MYH1: variants seen among roughly 807,000 people sequenced by gnomAD.
MYH1 encodes myosin heavy chain 1.
Under a neutral mutation model 225.6 loss-of-function variants are expected in MYH1, and 214 were observed. The ratio of observed to expected loss-of-function variants is 0.95; its 90% CI spans 0.85 to 1.06. The LOEUF is 1.06. Ranked by LOEUF, MYH1 falls within the 50% of genes least tolerant of loss-of-function variation. The probability of loss-of-function intolerance (pLI) is 0.00; values close to 1 mark genes in which losing one functional copy is unlikely to be tolerated. For missense variants in MYH1, 2,098 were observed against 2,344.2 expected (o/e 0.89, Z 2.17); for synonymous variants, 774 against 842.3 (o/e 0.92, Z 1.40).
Position 10,501,928 on chromosome 17 carries a change from C to T in MYH1, c.3112-17G>A, listed in dbSNP as rs974795598. ...TCCTTCAAGCTAAAAGTTAATAATCCATGAATATGGTTCTTAGAATGGTAG... is the reference window on the plus strand; with the variant it reads ...TCCTTCAAGCTAAAAGTTAATAATCTATGAATATGGTTCTTAGAATGGTAG... On this transcript the variant is annotated splice_polypyrimidine_tract_variant and intron_variant, in intron 24 of 39. Coordinates refer to ENST00000226207, the MANE Select transcript of MYH1 (RefSeq NM_005963.4). 6.3e-7 allele frequency: 1 copy of T among 1,595,076 alleles called. No individual in the cohort carries two copies. The highest frequency in any genetic ancestry group is 8.5e-7 in the Non-Finnish European group (1 of 1,173,900).
chr17:10,508,005 G>GTTTTTTTTTTTTTTTTTTTTTTTTTTT, intron 16 of MYH1, 49 bp from the exon 17 acceptor site: 1 of 1,100,606 alleles, frequency 9.1e-7, no homozygotes, highest in Non-Finnish European at 1.3e-6. Context: ...TCTGGTTATG[G>GTTTTTTTTTTTTTTTTTTTTTTTTTTT]TTTTTTTTTT....
rs1474786235 is a variant in MYH1, at chr17:10,496,244, G to C, written c.4962C>G (p.Leu1654=). The C allele has an allele frequency of 3.7e-6, 6 of 1,614,016 alleles. No individual in the cohort carries two copies. Among genetic ancestry groups the C allele is most frequent in the Non-Finnish European group, 5.1e-6 (6 of 1,180,040 alleles). Residue 1654 remains leucine (L), a synonymous_variant, in exon 34 of 40, where the codon CTC becomes CTG. Coordinates refer to ENST00000226207, the MANE Select transcript of MYH1 (RefSeq NM_005963.4). The part of the protein sequence containing the change: ...LRNYRNTQAI[L]KDTQLHLDDA... The stretch of plus-strand genomic sequence containing the variant: ...ATCATCTGTTGGACATATTTACCTT[G>C]AGGATGGCTTGGGTGTTCCTATAGT...
chr17:10,493,529 T>G (rs958518790), intron 39 of MYH1, among the ~76,000 whole-genome samples: 6 of 152,176 alleles, frequency 3.9e-5, no homozygotes, highest in Non-Finnish European at 7.3e-5. Context: ...TAAAGTGGAG[T>G]GTTAAGAATC....
In MYH1 at chr17:10,494,432, C is replaced by T. The variant is rs200123954; in HGVS notation, c.5589G>A (p.Lys1863=). 64 of 1,614,100 alleles carry T rather than the reference C, an allele frequency of 4.0e-5. No individual in the cohort carries two copies. In the African/African-American group the frequency reaches 7.1e-4, roughly 18 times the overall value. The part of the protein sequence containing the change: ...ELTYQTEEDR[K]NILRLQDLVD... The stretch of plus-strand genomic sequence containing the variant: ...CCAGGTCCTGGAGCCTGAGAATATT[C>T]TTGCGGTCTTCCTCAGTCTGAAATA... The change falls in exon 39 of 40, where the codon AAG becomes AAA. Residue 1863 remains lysine, a synonymous_variant. Transcript: ENST00000226207.
Position 10,512,868 on chromosome 17 carries a change from A to G in MYH1, c.903T>C (p.Ile301=). 2 of 1,609,392 alleles carry G rather than the reference A, an allele frequency of 1.2e-6. No homozygotes were observed. Among genetic ancestry groups the G allele is most frequent in the East Asian group, 2.2e-5 (1 of 44,830 alleles). The part of the protein sequence containing the change: ...QIMSNKKPDL[I]EMLLITTNPY... ...TCTAGCTATGAATTTATTTCTTACC[A>G]ATTAGATCTGGCTTCTTGTTAGACA... Residue 301 remains isoleucine (I), a splice_region_variant and synonymous_variant, in exon 10 of 40, where the codon ATT becomes ATC. Transcript: ENST00000226207.
chr17:10,497,522 C>A, intron 31 of MYH1, 70 bp from the exon 32 acceptor site: 1 of 1,543,352 alleles, frequency 6.5e-7, no homozygotes, highest in Non-Finnish European at 8.7e-7. Flanking sequence ...TCTATTCTAG[C>A]ACCTCTCAGA....
Position 10,513,617 on chromosome 17 carries a change from G to T in MYH1, c.805+9C>A. 1.2e-6 allele frequency: 2 copies of T among 1,613,056 alleles called. No individual in the cohort carries two copies. Among genetic ancestry groups the T allele is most frequent in the Non-Finnish European group, 1.7e-6 (2 of 1,179,034 alleles). On this transcript the variant is annotated intron_variant, in intron 9 of 39. Coordinates refer to ENST00000226207, the MANE Select transcript of MYH1 (RefSeq NM_005963.4). ...TCTTGGATTCTATTTAGGAGGTCCT[G>T]TTACTCACATGTTTCAATATCAGCA...
rs778140820 is a variant in MYH1 at position 10,512,744 on chromosome 17, G to A, written c.945C>T (p.Phe315=). Residue 315 remains phenylalanine (F), a synonymous_variant, in exon 11 of 40, where the codon TTC becomes TTT. Coordinates refer to ENST00000226207, the MANE Select transcript of MYH1 (RefSeq NM_005963.4). ...LITTNPYDYA[F]VSQGEITVPS... ...GCACTGTGATCTCCCCTTGACTGAC[G>A]AAGGCATAATCGTATGGGTTGGTGG... 9.9e-6 allele frequency: 16 copies of A among 1,613,952 alleles called. No homozygotes were observed. The highest frequency in any genetic ancestry group is 2.7e-5 in the African/African-American group (2 of 74,878).
intron 1 of MYH1, 89 bp downstream of exon 1, chr17:10,518,431 A>C (rs1395674741): frequency 6.6e-6 from 1 of 152,220 alleles, no homozygotes; most frequent in African/African-American, 2.4e-5. Flanking sequence ...TGCCAGGGAC[A>C]GTGGGAGCCA....
At chr17:10,503,630 T>C (rs1201480036) in intron 22 of MYH1, among the ~76,000 whole-genome samples, 1 of 152,140 alleles carries the variant, frequency 6.6e-6, no homozygotes, top group Non-Finnish European at 1.5e-5. Flanking sequence ...AAAAGTGCCT[T>C]AACAGGAAGA....
At chr17:10,500,796 G>A in intron 27 of MYH1, 44 bp from the exon 28 acceptor site, 3 of 1,612,838 alleles carry the variant, frequency 1.9e-6, no homozygotes, top group South Asian at 1.1e-5. Context: ...TAAGTAGTTG[G>A]ACCAAAGAAA....
chr17:10,516,523 C>A lies in MYH1; in HGVS notation c.120G>T (p.Val40=), dbSNP rs768124306. The change falls in exon 3 of 40, where the codon GTG becomes GTT. Residue 40 remains valine (V), a synonymous_variant. Coordinates refer to ENST00000226207, the MANE Select transcript of MYH1 (RefSeq NM_005963.4). The part of the protein sequence containing the change: ...KPFDAKTSVF[V]VDPKESFVKA... ...TCACAAAGGACTCCTTAGGGTCCAC[C>A]ACAAAGACTGATGTCTTGGCATCAA... is the stretch of plus-strand genomic sequence containing the variant. The A allele has an allele frequency of 3.7e-6, 6 of 1,614,188 alleles. No homozygotes were observed. Among genetic ancestry groups the A allele is most frequent in the Non-Finnish European group, 1.7e-6 (2 of 1,180,032 alleles).
chr17:10,495,032 T>A lies in MYH1; in HGVS notation c.5365A>T (p.Asn1789Tyr). 1 of 1,614,230 alleles carries A rather than the reference T, an allele frequency of 6.2e-7. No individual in the cohort carries two copies. The highest frequency in any genetic ancestry group is 1.3e-5 in the African/African-American group (1 of 75,064). Residue 1789 changes from asparagine (N) to tyrosine (Y), a missense_variant, in exon 37 of 40, where the codon AAC becomes TAC. Transcript: ENST00000226207. ...TSAHLERMKK[N>Y]LEQTVKDLQH... is the part of the protein sequence containing the mutation. ...AGGTCCTTCACCGTCTGTTCCAGGT[T>A]CTTCTTCATCCGCTCCAGATGGGCG...
chr17:10,505,061 A>T lies in MYH1; in HGVS notation c.2440T>A (p.Ser814Thr). ...ACATTGTACTGGATGCAGAAGATGG[A>T]CTCTCTGTCATAGGAACAGAAATGT... is the stretch of plus-strand genomic sequence containing the variant. ...EYQKMVERRE[S>T]IFCIQYNVRA... is the part of the protein sequence containing the mutation. Residue 814 changes from serine (S) to threonine (T), a missense_variant, in exon 22 of 40, where the codon TCC becomes ACC. Physicochemically the swap from Ser to Thr is moderately conservative, Grantham distance 58. Coordinates refer to ENST00000226207, the MANE Select transcript of MYH1 (RefSeq NM_005963.4). 1 of 1,614,114 alleles carries T rather than the reference A, an allele frequency of 6.2e-7. No homozygotes were observed.
intron 39 of MYH1, among the ~76,000 whole-genome samples, chr17:10,493,167 A>T (rs1266597539): frequency 6.6e-6 from 1 of 152,218 alleles, no homozygotes; most frequent in Non-Finnish European, 1.5e-5. Flanking sequence ...TCAAATTTAG[A>T]ACAGACATAA....
chr17:10,514,168 T>C, intron 6 of MYH1, 44 bp from the exon 7 acceptor site: 1 of 1,599,726 alleles, frequency 6.3e-7, no homozygotes, highest in East Asian at 2.2e-5. Context: ...CTGTGACAAA[T>C]GAAACTACAA....
intron 16 of MYH1, 98 bp downstream of exon 16, chr17:10,508,265 C>T (rs2073135359): frequency 2.2e-6 from 3 of 1,361,064 alleles, no homozygotes; most frequent in South Asian, 2.9e-5. Context: ...GCAATCTACC[C>T]ACCTTGGCCT....
rs542219692 is a variant in MYH1 at position 10,496,579 on chromosome 17, G to A, written c.4657-30C>T. On this transcript the variant is annotated intron_variant, in intron 33 of 39. Coordinates refer to ENST00000226207, the MANE Select transcript of MYH1 (RefSeq NM_005963.4). ...ATGACAGCAAGAGGTGACATTAGTA[G>A]AGTAATGGAAGTGTGTAGTATTCTA... The A allele has an allele frequency of 1.9e-6, 3 of 1,613,796 alleles. No homozygotes were observed. In the East Asian group the frequency reaches 6.7e-5, roughly 36 times the overall value.
Position 10,497,141 on chromosome 17 carries a change from A to G in MYH1, c.4584T>C (p.His1528=). The G allele has an allele frequency of 1.9e-6, 3 of 1,614,076 alleles. No homozygotes were observed. The highest frequency in any genetic ancestry group is 2.5e-6 in the Non-Finnish European group (3 of 1,179,994). Residue 1528 remains histidine (H), a synonymous_variant, in exon 33 of 40, where the codon CAT becomes CAC. Transcript: ENST00000226207. ...CTTGCTTCTTTATTTTTTCCAGTTC[A>G]TGGATGCGCTTTCCTCCTTCTGCAA... ...EQIAEGGKRI[H]ELEKIKKQVE... is the part of the protein sequence containing the mutation.
Sources: gnomAD v4.1 joint callset for allele counts (sites outside exome capture counted in the v4.1 genomes callset) on GRCh38, gnomAD v4.1.1 for gene constraint, MANE v1.5 for transcripts, NCBI Gene and HGNC (gene_info 2026-07-23, HGNC 2026-07-21) for gene names.